LRRC74A: variants seen among roughly 807,000 people sequenced by gnomAD.
LRRC74A encodes leucine rich repeat containing 74A, also known as leucine-rich repeat-containing protein 74A.
In LRRC74A, 44 loss-of-function variants were observed where a neutral mutation model predicts 57.9. The ratio of observed to expected loss-of-function variants is 0.76; its 90% CI spans 0.60 to 0.98. The LOEUF is 0.98. Ranked by LOEUF, LRRC74A falls within the 50% of genes least tolerant of loss-of-function variation. The pLI is 0.00. For missense variants in LRRC74A, 572 were observed against 574.0 expected (o/e 1.00, Z 0.04); for synonymous variants, 211 against 219.4 (o/e 0.96, Z 0.34).
intron 12 of LRRC74A, among the ~76,000 whole-genome samples, chr14:76,866,357 C>T (rs1898794560): frequency 6.6e-6 from 1 of 152,164 alleles, no homozygotes; most frequent in African/African-American, 2.4e-5. Context: ...TTTTTCTCCC[C>T]ATTGCATTTC....
At chr14:76,828,118 C>G (rs1895709953) in intron 1 of LRRC74A, among the ~76,000 whole-genome samples, 173 bp from the exon 2 acceptor site, 1 of 152,100 alleles carries the variant, frequency 6.6e-6, no homozygotes, top group African/African-American at 2.4e-5. Context: ...CCGGAGGCAG[C>G]GCTATTGGGG....
chr14:76,829,371 A>T (rs1410957937), intron 2 of LRRC74A, among the ~76,000 whole-genome samples: 2 of 152,156 alleles, frequency 1.3e-5, no homozygotes, highest in Admixed American at 6.5e-5. Flanking sequence ...TCACCCTTCT[A>T]CGCAGACCTC....
chr14:76,844,584 C>A, intron 6 of LRRC74A, 112 bp downstream of exon 6: 3 of 1,153,198 alleles, frequency 2.6e-6, no homozygotes, highest in Non-Finnish European at 1.3e-6. Flanking sequence ...ATGTTAGGGA[C>A]TGGGGAGTGT....
chr14:76,837,254 C>T (rs61989405), intron 4 of LRRC74A, among the ~76,000 whole-genome samples: 23,908 of 152,084 alleles, frequency 0.16, 2,145 homozygotes, highest in Non-Finnish European at 0.2. Flanking sequence ...AGATGGCTGG[C>T]GGTGATGGTT....
chr14:76,850,760 C>A (rs759824986), intron 7 of LRRC74A, among the ~76,000 whole-genome samples: 2 of 147,350 alleles, frequency 1.4e-5, no homozygotes, highest in Non-Finnish European at 3.0e-5. Context: ...CCCAGCTGCC[C>A]GGGAGGCTGA....
At chr14:76,833,757 G>C (rs1896131993) in intron 3 of LRRC74A, among the ~76,000 whole-genome samples, 1 of 151,968 alleles carries the variant, frequency 6.6e-6, no homozygotes, top group Non-Finnish European at 1.5e-5. Context: ...TTACTTTTAT[G>C]ATAGTATATT....
intron 1 of LRRC74A, among the ~76,000 whole-genome samples, chr14:76,827,686 C>T (rs890569172): frequency 1.3e-5 from 2 of 152,096 alleles, no homozygotes; most frequent in South Asian, 4.2e-4. Context: ...TAATTCATTT[C>T]GACCCAAGGG....
rs140498254 is a variant in LRRC74A at position 76,845,808 on chromosome 14, C to T, written c.676+907C>T. Among the ~76,000 whole-genome samples, 769 of 152,346 alleles carry T rather than the reference C, an allele frequency of 5.0e-3. 7 individuals carry two copies. The highest frequency in any genetic ancestry group is 0.018 in the African/African-American group (728 of 41,578). On this transcript the variant is annotated intron_variant, in intron 7 of 13. Transcript: ENST00000689127. ...GGCCGAGGTGGGCAGATCACGAGGT[C>T]AAGAGATCAAGACCATCCTGGCCAA...
chr14:76,845,597 C>A (rs1244268480), intron 7 of LRRC74A, among the ~76,000 whole-genome samples: 1 of 152,180 alleles, frequency 6.6e-6, no homozygotes, highest in African/African-American at 2.4e-5. Context: ...CTGGGACATG[C>A]AATTTACCTA....
At chr14:76,851,058 C>G (rs1897449108) in intron 7 of LRRC74A, among the ~76,000 whole-genome samples, 1 of 152,160 alleles carries the variant, frequency 6.6e-6, no homozygotes, top group Admixed American at 6.5e-5. Flanking sequence ...ATGTTCCAAC[C>G]CTGTGGAACA....
At chr14:76,851,665 TCTCA>T (rs774946513) in intron 7 of LRRC74A, among the ~76,000 whole-genome samples, 1 of 128,482 alleles carries the variant, frequency 7.8e-6, no homozygotes, top group South Asian at 2.6e-4. Context: ...GCCAAATAAT[TCTCA>T]CTTTTTTTTT....
intron 13 of LRRC74A, among the ~76,000 whole-genome samples, chr14:76,868,836 G>A (rs200186796): frequency 7.6e-4 from 116 of 152,376 alleles, no homozygotes; most frequent in Non-Finnish European, 1.3e-3. Flanking sequence ...CCTGCTCTGC[G>A]GAACAAGGCT....
intron 9 of LRRC74A, among the ~76,000 whole-genome samples, chr14:76,854,082 T>A (rs1396374497): frequency 6.6e-6 from 1 of 152,106 alleles, no homozygotes; most frequent in Non-Finnish European, 1.5e-5. Context: ...GTGCTCTCCC[T>A]TGCTCTGCAC....
chr14:76,867,590 A>T (rs1899042165), intron 13 of LRRC74A, among the ~76,000 whole-genome samples, 152 bp downstream of exon 13: 1 of 151,636 alleles, frequency 6.6e-6, no homozygotes, highest in African/African-American at 2.4e-5. Context: ...CCCACTGTCT[A>T]CCCCCCTTCT....
chr14:76,835,013 C>A (rs193269563), intron 3 of LRRC74A, among the ~76,000 whole-genome samples: 1 of 152,300 alleles, frequency 6.6e-6, no homozygotes, highest in African/African-American at 2.4e-5. Flanking sequence ...ACTCCTTCCA[C>A]CTGCTACTTC....
At chr14:76,862,967 A>G (rs1898435727) in intron 11 of LRRC74A, among the ~76,000 whole-genome samples, 3 of 152,126 alleles carry the variant, frequency 2.0e-5, no homozygotes, top group African/African-American at 7.2e-5. Flanking sequence ...ATCCAGCAGG[A>G]TTGAGGAGTT....
At chr14:76,865,824 G>A (rs558766545) in intron 11 of LRRC74A, 144 bp from the exon 12 acceptor site, 14 of 632,780 alleles carry the variant, frequency 2.2e-5, no homozygotes, top group Admixed American at 5.2e-5. Flanking sequence ...CCCGGGAGAC[G>A]CAGGCTCCTC....
intron 10 of LRRC74A, among the ~76,000 whole-genome samples, chr14:76,859,714 C>T (rs572788488): frequency 2.4e-5 from 3 of 124,392 alleles, no homozygotes; most frequent in East Asian, 4.7e-4. Context: ...CTCACTCTGT[C>T]GCCCAGGCTG....
chr14:76,837,323 TA>T (rs140554993), intron 4 of LRRC74A, among the ~76,000 whole-genome samples: 24,511 of 152,094 alleles, frequency 0.16, 2,213 homozygotes, highest in Non-Finnish European at 0.2. Context: ...GCAAAGATGG[TA>T]AATAATATGT....
Sources: allele counts gnomAD v4.1 joint callset (sites outside exome capture counted in the v4.1 genomes callset), GRCh38; gene constraint gnomAD v4.1.1; transcripts MANE v1.5; gene names NCBI Gene and HGNC (gene_info 2026-07-23, HGNC 2026-07-21).